SYTL3: variants seen among roughly 807,000 people sequenced by gnomAD.
SYTL3 encodes the protein synaptotagmin like 3.
SYTL3 carries 88 observed loss-of-function variants against 82.1 expected under a neutral mutation model. That is an observed-to-expected ratio of 1.07 (90% CI 0.90 to 1.28). The LOEUF (loss-of-function observed/expected upper bound fraction) is 1.28, where lower values mean the gene tolerates loss of function less well. Among genes scored for constraint, SYTL3 ranks in the 50% most tolerant of loss-of-function variants. The probability of loss-of-function intolerance (pLI) is 0.00; values close to 1 mark genes in which losing one functional copy is unlikely to be tolerated. For missense variants in SYTL3, 831 were observed against 757.6 expected (o/e 1.10, Z -1.14); for synonymous variants, 311 against 289.4 (o/e 1.07, Z -0.76).
chr6:158,739,516 A>G (rs1032646204), intron 11 of SYTL3, among the ~76,000 whole-genome samples: 1 of 152,108 alleles, frequency 6.6e-6, no homozygotes, highest in Admixed American at 6.6e-5. Flanking sequence ...TTTTCTCTAT[A>G]TGAGAGTCCA....
At chr6:158,672,253 T>G (rs1203021014) in intron 5 of SYTL3, among the ~76,000 whole-genome samples, 3 of 152,140 alleles carry the variant, frequency 2.0e-5, no homozygotes, top group Admixed American at 2.0e-4. Flanking sequence ...ATTGCACTAC[T>G]GCACTCCAGC....
intron 5 of SYTL3, among the ~76,000 whole-genome samples, chr6:158,677,349 T>C (rs999155570): frequency 1.1e-4 from 17 of 152,006 alleles, no homozygotes; most frequent in African/African-American, 4.1e-4. Flanking sequence ...TAGGTGGGAA[T>C]TGAACAATGA....
intron 6 of SYTL3, among the ~76,000 whole-genome samples, chr6:158,693,052 C>G (rs1780094612): frequency 6.6e-6 from 1 of 152,196 alleles, no homozygotes; most frequent in African/African-American, 2.4e-5. Context: ...AGTAAACACC[C>G]CTCATCCCTG....
At chr6:158,701,065 C>T (rs936826058) in intron 6 of SYTL3, among the ~76,000 whole-genome samples, 13 of 152,076 alleles carry the variant, frequency 8.5e-5, no homozygotes, top group Non-Finnish European at 1.8e-4. Flanking sequence ...TTAGTGCAGG[C>T]GTGCACAGTA....
At position 158,650,377 on chromosome 6, in the gene SYTL3, A is replaced by G. The variant is rs905196827; in HGVS notation, c.-727+299A>G. ...GCTATATGGTGTGATTTTTTTTTTT[A>G]AAGGGTAGAGTGTCATTTGCTTTCT... On this transcript the variant is annotated intron_variant, in intron 1 of 17. Coordinates refer to ENST00000611299, the MANE Select transcript of SYTL3 (RefSeq NM_001242394.2). 3.3e-5 allele frequency among the ~76,000 whole-genome samples: 5 copies of G among 151,582 alleles called. No individual in the cohort carries two copies. The East Asian group carries it at 7.7e-4, about 23-fold the overall frequency.
At position 158,665,596 on chromosome 6, in the gene SYTL3, G is replaced by C; in HGVS notation, c.312G>C (p.Thr104=). ...GGGGGACCCATGCCTGGAAGTGCAC[G>C]GTGTGCTTCGAGGACAGGTAAGCAT... The part of the protein sequence containing the change: ...FLRGTHAWKC[T]VCFEDRNVKI... The change falls in exon 5 of 18, where the codon ACG becomes ACC. Residue 104 remains threonine (T), a synonymous_variant. Transcript: ENST00000611299. The C allele has an allele frequency of 6.4e-7, 1 of 1,565,996 alleles. No individual in the cohort carries two copies. Among genetic ancestry groups the C allele is most frequent in the Non-Finnish European group, 8.7e-7 (1 of 1,154,620 alleles).
At chr6:158,698,438 C>T (rs941251167) in intron 6 of SYTL3, among the ~76,000 whole-genome samples, 1 of 150,208 alleles carries the variant, frequency 6.7e-6, no homozygotes, top group Non-Finnish European at 1.5e-5. Context: ...GCTCTAAAAC[C>T]ATTTGTGACT....
At chr6:158,727,516 C>T (rs1171108197) in intron 11 of SYTL3, among the ~76,000 whole-genome samples, 1 of 151,890 alleles carries the variant, frequency 6.6e-6, no homozygotes, top group Admixed American at 6.6e-5. Context: ...AGGTGTTCGG[C>T]CATGAGGCTT....
intron 3 of SYTL3, among the ~76,000 whole-genome samples, chr6:158,662,507 C>T (rs1419427782): frequency 6.6e-6 from 1 of 152,162 alleles, no homozygotes; most frequent in African/African-American, 2.4e-5. Context: ...GTACATTAAA[C>T]ACAGACTTTT....
intron 2 of SYTL3, among the ~76,000 whole-genome samples, chr6:158,653,963 C>A: frequency 6.6e-6 from 1 of 152,250 alleles, no homozygotes; most frequent in East Asian, 1.9e-4. Context: ...CCTTTCCCAT[C>A]CTCCTCATCT....
At chr6:158,727,157 CTTTAT>C (rs1179140953) in intron 11 of SYTL3, among the ~76,000 whole-genome samples, 1 of 151,388 alleles carries the variant, frequency 6.6e-6, no homozygotes, top group African/African-American at 2.4e-5. Context: ...GCTGAACTTT[CTTTAT>C]TTTAATTTTA....
At chr6:158,701,714 G>A (rs1781327991) in intron 6 of SYTL3, among the ~76,000 whole-genome samples, 1 of 151,896 alleles carries the variant, frequency 6.6e-6, no homozygotes, top group Non-Finnish European at 1.5e-5. Context: ...GCCTCCTGGG[G>A]CTGCAGTAAC....
intron 5 of SYTL3, among the ~76,000 whole-genome samples, chr6:158,672,654 C>CT (rs1026662283): frequency 6.8e-6 from 1 of 146,750 alleles, no homozygotes; most frequent in Admixed American, 7.0e-5. Flanking sequence ...TTTTTTGAGA[C>CT]TGAGTCTCAC....
intron 15 of SYTL3, 46 bp from the exon 16 acceptor site, chr6:158,762,030 G>T (rs200870127): frequency 2.8e-6 from 4 of 1,408,856 alleles, no homozygotes; most frequent in Admixed American, 1.7e-5. Context: ...GCATACTAAC[G>T]TATCAGGAGA....
At chr6:158,682,887 TTC>T in intron 5 of SYTL3, 36 bp from the exon 6 acceptor site, 1 of 1,534,420 alleles carries the variant, frequency 6.5e-7, no homozygotes, top group Non-Finnish European at 9.0e-7. Context: ...TATTCATATC[TTC>T]TCTCTCTGAA....
intron 5 of SYTL3, among the ~76,000 whole-genome samples, chr6:158,676,115 G>T (rs1316481670): frequency 1.3e-5 from 2 of 152,146 alleles, no homozygotes; most frequent in Non-Finnish European, 2.9e-5. Flanking sequence ...TAAGCCAAAA[G>T]AACAAAGCTG....
chr6:158,744,304 C>CTTTTT (rs869182913), intron 11 of SYTL3, among the ~76,000 whole-genome samples: 460 of 99,220 alleles, frequency 4.6e-3, no homozygotes, highest in East Asian at 0.024. Flanking sequence ...CTTTTTCTTT[C>CTTTTT]TTTTTTTTTT....
At chr6:158,702,417 G>T (rs1781421384) in intron 6 of SYTL3, among the ~76,000 whole-genome samples, 1 of 151,100 alleles carries the variant, frequency 6.6e-6, no homozygotes, top group Non-Finnish European at 1.5e-5. Flanking sequence ...GCCTCAAGTG[G>T]TCTCTTCTGC....
intron 8 of SYTL3, 107 bp downstream of exon 8, chr6:158,708,498 G>A (rs1333506293): frequency 2.8e-6 from 3 of 1,077,912 alleles, no homozygotes; most frequent in African/African-American, 1.6e-5. Flanking sequence ...TCCCAGCAAA[G>A]GGATCTGACT....
Sources: gnomAD v4.1 joint callset for allele counts (sites outside exome capture counted in the v4.1 genomes callset) on GRCh38, gnomAD v4.1.1 for gene constraint, MANE v1.5 for transcripts, NCBI Gene and HGNC (gene_info 2026-07-23, HGNC 2026-07-21) for gene names.